The following PLA2G4E variants were observed in gnomAD, a reference collection of about 807,000 sequenced individuals.
PLA2G4E encodes the protein cytosolic phospholipase A2 epsilon.
Under a neutral mutation model 109.1 loss-of-function variants are expected in PLA2G4E, and 84 were observed. The observed-to-expected ratio is 0.77, with a 90% CI of 0.65 to 0.92. PLA2G4E has a LOEUF of 0.92. Ranked by LOEUF, PLA2G4E falls within the 40% of genes least tolerant of loss-of-function variation. The pLI is 0.00. For synonymous variants in PLA2G4E, 469 were observed against 436.1 expected, an observed-to-expected ratio of 1.08 and a Z score of -0.94; for missense variants, 1,057 against 1,076.6, an observed-to-expected ratio of 0.98 and a Z score of 0.25.
chr15:42,021,332 A>G (rs981193668), intron 1 of PLA2G4E, among the ~76,000 whole-genome samples: 1 of 152,036 alleles, frequency 6.6e-6, no homozygotes, highest in African/African-American at 2.4e-5. Flanking sequence ...CACTGGACCC[A>G]CATGACTGTA....
rs59786885 is a variant in PLA2G4E, at chr15:41,999,977, C to T, written c.876G>A (p.Lys292=). ...AGTCGAGGGGCTGGCTGATGGGGCC[C>T]TTCTTGCGAGAGCGGCAGCAAAGCT... The change falls in exon 9 of 20, where the codon AAG becomes AAA. Residue 292 remains lysine, a synonymous_variant. Transcript: ENST00000399518. 5 of 1,610,314 alleles carry T rather than the reference C, an allele frequency of 3.1e-6. No individual in the cohort carries two copies. In the African/African-American group the frequency reaches 5.3e-5, roughly 17 times the overall value.
intron 11 of PLA2G4E, 142 bp downstream of exon 11, chr15:41,996,982 T>C: frequency 1.8e-6 from 2 of 1,094,576 alleles, no homozygotes; most frequent in Non-Finnish European, 2.5e-6. Context: ...CCAGCACAGC[T>C]CTCACCAGGG....
At chr15:42,037,350 AGC>A (rs1178415026) in intron 1 of PLA2G4E, among the ~76,000 whole-genome samples, 5 of 152,240 alleles carry the variant, frequency 3.3e-5, no homozygotes, top group African/African-American at 1.2e-4. Context: ...CCCTGGGCTC[AGC>A]CAGAGCAGAG....
chr15:42,031,391 C>T (rs577482682), intron 1 of PLA2G4E, among the ~76,000 whole-genome samples: 1 of 152,294 alleles, frequency 6.6e-6, no homozygotes, highest in African/African-American at 2.4e-5. Flanking sequence ...CGTGAAATGG[C>T]TGGGTCTGAT....
At chr15:41,995,599 A>G in intron 11 of PLA2G4E, 103 bp from the exon 12 acceptor site, 2 of 1,471,512 alleles carry the variant, frequency 1.4e-6, no homozygotes, top group South Asian at 1.3e-5. Flanking sequence ...GAGGAGGCAG[A>G]GCTGGCTACA....
intron 1 of PLA2G4E, among the ~76,000 whole-genome samples, chr15:42,039,873 T>C (rs1365092005): frequency 6.6e-6 from 1 of 152,240 alleles, no homozygotes; most frequent in African/African-American, 2.4e-5. Context: ...AATTGATCTA[T>C]TTATTTAGTA....
intron 14 of PLA2G4E, 109 bp from the exon 15 acceptor site, chr15:41,989,661 G>A: frequency 7.0e-7 from 1 of 1,421,068 alleles, no homozygotes; most frequent in South Asian, 1.4e-5. Context: ...GAAAGCCTGG[G>A]ACAGGGAGGC....
intron 1 of PLA2G4E, among the ~76,000 whole-genome samples, chr15:42,017,525 G>T (rs1161939787): frequency 1.3e-5 from 2 of 152,164 alleles, no homozygotes; most frequent in African/African-American, 4.8e-5. Context: ...TTTATAGATG[G>T]AGAGTCAGAG....
chr15:42,050,520 C>T lies in PLA2G4E; in HGVS notation c.183+1G>A, dbSNP rs750968170. 2.4e-5 allele frequency: 37 copies of T among 1,549,886 alleles called. No homozygotes were observed. The highest frequency in any genetic ancestry group is 4.9e-5 in the East Asian group (2 of 40,912). Reference sequence around the variant, plus strand: ...CCCCCCTCCCAGGAACACAGACATACCTCAGAGCCCCAAGGAGCCATAGGA... The same window carrying T: ...CCCCCCTCCCAGGAACACAGACATATCTCAGAGCCCCAAGGAGCCATAGGA... On this transcript the variant is annotated splice_donor_variant, in intron 1 of 19. Transcript: ENST00000399518. LOFTEE classifies it high-confidence loss of function.
At chr15:42,030,555 G>A (rs991782674) in intron 1 of PLA2G4E, among the ~76,000 whole-genome samples, 16 of 152,358 alleles carry the variant, frequency 1.1e-4, no homozygotes, top group Non-Finnish European at 1.5e-4. Flanking sequence ...TGGAGGAGGA[G>A]GAGAAATTTG....
chr15:41,984,093 A>G, intron 19 of PLA2G4E, 119 bp from the exon 20 acceptor site: 1 of 909,668 alleles, frequency 1.1e-6, no homozygotes, highest in Non-Finnish European at 1.7e-6. Context: ...CCTGCATGAA[A>G]ACCTGTACAC....
chr15:42,022,227 T>G (rs2068655212), intron 1 of PLA2G4E, among the ~76,000 whole-genome samples: 1 of 152,146 alleles, frequency 6.6e-6, no homozygotes, highest in South Asian at 2.1e-4. Context: ...AGTTTCCCTG[T>G]GGTGAGAGGG....
intron 1 of PLA2G4E, among the ~76,000 whole-genome samples, chr15:42,023,229 C>G (rs922589908): frequency 6.6e-6 from 1 of 151,834 alleles, no homozygotes. Context: ...TAAGGCCCCT[C>G]TGCTCTCTGG....
At chr15:42,014,001 C>T (rs2068564769) in intron 1 of PLA2G4E, among the ~76,000 whole-genome samples, 1 of 148,886 alleles carries the variant, frequency 6.7e-6, no homozygotes, top group Non-Finnish European at 1.5e-5. Context: ...TAGTGATTCT[C>T]CTGCCTCAGC....
At chr15:42,034,880 G>A (rs1055123674) in intron 1 of PLA2G4E, among the ~76,000 whole-genome samples, 4 of 152,178 alleles carry the variant, frequency 2.6e-5, no homozygotes, top group Non-Finnish European at 4.4e-5. Flanking sequence ...GACAATAAAG[G>A]CTTTTTATTT....
At chr15:42,022,046 G>T (rs2068653587) in intron 1 of PLA2G4E, among the ~76,000 whole-genome samples, 1 of 152,142 alleles carries the variant, frequency 6.6e-6, no homozygotes, top group Admixed American at 6.5e-5. Flanking sequence ...GCCAAGGATG[G>T]GGACTCAGCA....
chr15:41,984,602 A>G, exon 19 of PLA2G4E: 1 of 1,604,806 alleles, frequency 6.2e-7, no homozygotes, highest in South Asian at 1.1e-5. Flanking sequence ...TGCAGTACTC[A>G]CAGGTTTGTT....
intron 2 of PLA2G4E, among the ~76,000 whole-genome samples, chr15:42,009,287 C>T (rs1836075968): frequency 6.6e-6 from 1 of 152,212 alleles, no homozygotes; most frequent in South Asian, 2.1e-4. Flanking sequence ...AAATCAGTGT[C>T]ATCCTTGACT....
At chr15:42,001,938 C>T (rs1293915416) in intron 6 of PLA2G4E, among the ~76,000 whole-genome samples, 1 of 152,194 alleles carries the variant, frequency 6.6e-6, no homozygotes, top group African/African-American at 2.4e-5. Context: ...AGTGATCCCC[C>T]AACCTTGGCC....
Sources: allele counts gnomAD v4.1 joint callset (sites outside exome capture counted in the v4.1 genomes callset), GRCh38; gene constraint gnomAD v4.1.1; transcripts MANE v1.5; gene names NCBI Gene and HGNC (gene_info 2026-07-23, HGNC 2026-07-21).